The following HSPA12A variants were observed in gnomAD, a reference collection of about 807,000 sequenced individuals.
HSPA12A encodes the protein heat shock 70 kDa protein 12A.
In HSPA12A, 28 loss-of-function variants were observed where a neutral mutation model predicts 69.2. The ratio of observed to expected loss-of-function variants is 0.40; its 90% confidence interval spans 0.30 to 0.55. The LOEUF (loss-of-function observed/expected upper bound fraction) is 0.55. Among genes scored for constraint, HSPA12A ranks in the 20% least tolerant of loss-of-function variants. The pLI is 0.38. For missense variants in HSPA12A, 686 were observed against 900.7 expected (o/e 0.76, Z 3.05); for synonymous variants, 345 against 370.5 (o/e 0.93, Z 0.79).
chr10:116,825,494 G>C (rs986238919), intron 2 of HSPA12A, among the ~76,000 whole-genome samples: 2 of 152,142 alleles, frequency 1.3e-5, no homozygotes, highest in Admixed American at 6.5e-5. Flanking sequence ...CTGGGTGACA[G>C]AGTGAGACTC....
intron 1 of HSPA12A, among the ~76,000 whole-genome samples, chr10:116,724,070 A>T (rs1850870588): frequency 6.6e-6 from 1 of 152,176 alleles, no homozygotes. Context: ...CCTTGTACAG[A>T]GCCCTGCACC....
intron 1 of HSPA12A, among the ~76,000 whole-genome samples, chr10:116,735,548 C>T (rs1419485603): frequency 6.6e-6 from 1 of 152,186 alleles, no homozygotes; most frequent in Non-Finnish European, 1.5e-5. Context: ...GCCCAGCCGA[C>T]AGCCAGCACC....
chr10:116,807,812 C>T (rs994717382), intron 2 of HSPA12A, among the ~76,000 whole-genome samples: 1 of 152,202 alleles, frequency 6.6e-6, no homozygotes, highest in Admixed American at 6.5e-5. Flanking sequence ...TGGCAGATTC[C>T]TGGCCCTCTG....
intron 1 of HSPA12A, among the ~76,000 whole-genome samples, chr10:116,715,202 T>A (rs559734791): frequency 9.5e-4 from 144 of 152,332 alleles, no homozygotes; most frequent in African/African-American, 2.9e-3. Flanking sequence ...TCTCATCCAG[T>A]AGGTCTGAGG....
At chr10:116,691,372 ACT>A (rs1849733659) in intron 6 of HSPA12A, among the ~76,000 whole-genome samples, 1 of 152,208 alleles carries the variant, frequency 6.6e-6, no homozygotes, top group African/African-American at 2.4e-5. Context: ...CTCAGGGTTG[ACT>A]CTGTGGGTTT....
chr10:116,675,369 C>CT lies in HSPA12A; in HGVS notation c.1439_1440insA (p.Val481GlyfsTer73). ...GGGGCGCCTCGGCAAAGCCGCCCAC[C>CT]AGAAAGAGGAACTTGACGGTGGACA... On this transcript the variant is annotated frameshift_variant, in exon 12 of 12. Transcript: ENST00000369209. LOFTEE classifies it high-confidence loss of function. This position sits in a 1 kb window ranked among gnomAD's most constrained non-coding sequence, Gnocchi z 5.2. 6.2e-7 allele frequency: 1 copy of CT among 1,610,504 alleles called. No homozygotes were observed. The highest frequency in any genetic ancestry group is 8.5e-7 in the Non-Finnish European group (1 of 1,178,902).
chr10:116,839,353 C>T (rs1009611567), intron 1 of HSPA12A, among the ~76,000 whole-genome samples: 1 of 152,168 alleles, frequency 6.6e-6, no homozygotes, highest in Non-Finnish European at 1.5e-5. Flanking sequence ...CCCGGCTCTT[C>T]TTTGCTGTTT....
At chr10:116,782,330 A>G (rs1285845286) in intron 2 of HSPA12A, among the ~76,000 whole-genome samples, 7 of 152,222 alleles carry the variant, frequency 4.6e-5, no homozygotes, top group African/African-American at 1.7e-4. Context: ...GAAAAGCTGA[A>G]GATACGTGAG....
chr10:116,849,673 T>G, exon 1 of HSPA12A: 1 of 1,549,752 alleles, frequency 6.5e-7, no homozygotes, highest in Non-Finnish European at 8.7e-7. Flanking sequence ...CCGCGCAGGC[T>G]GGAAGAGCTG....
chr10:116,809,783 A>G (rs1845138666), intron 2 of HSPA12A, among the ~76,000 whole-genome samples: 1 of 152,174 alleles, frequency 6.6e-6, no homozygotes, highest in African/African-American at 2.4e-5. Context: ...CCTTTCCTAA[A>G]AAGAGGATTC....
At chr10:116,784,733 G>A (rs1347192022) in intron 2 of HSPA12A, among the ~76,000 whole-genome samples, 1 of 152,238 alleles carries the variant, frequency 6.6e-6, no homozygotes, top group Non-Finnish European at 1.5e-5. Context: ...CTGACTGGCT[G>A]AGGAATGAGT....
intron 1 of HSPA12A, among the ~76,000 whole-genome samples, chr10:116,735,066 C>T (rs1851275661): frequency 6.6e-6 from 1 of 152,190 alleles, no homozygotes; most frequent in Non-Finnish European, 1.5e-5. Context: ...GAGAATGTGC[C>T]AACACAACTT....
chr10:116,736,439 C>T (rs558300510), intron 1 of HSPA12A, among the ~76,000 whole-genome samples: 2 of 152,218 alleles, frequency 1.3e-5, no homozygotes, highest in Admixed American at 1.3e-4. Flanking sequence ...ATGAGAGGCT[C>T]GATAATAGCC....
Position 116,774,252 on chromosome 10 carries a change from G to T in HSPA12A, c.91+60683C>A, listed in dbSNP as rs111632419. The stretch of plus-strand genomic sequence containing the variant: ...TCTCGATCTCCTGACCTCGTGATCC[G>T]CCCGCCTCGGCCTCCCAAAGTGCTG... On this transcript the variant is annotated intron_variant, in intron 2 of 12. Transcript: ENST00000635765. 2.2e-3 allele frequency among the ~76,000 whole-genome samples: 340 copies of T among 152,062 alleles called. 2 individuals carry two copies. Among genetic ancestry groups the T allele is most frequent in the African/African-American group, 7.8e-3 (323 of 41,496 alleles).
At chr10:116,843,231 G>C (rs1422163682) in intron 1 of HSPA12A, among the ~76,000 whole-genome samples, 1 of 152,130 alleles carries the variant, frequency 6.6e-6, no homozygotes, top group East Asian at 1.9e-4. Flanking sequence ...AAATGCTAAA[G>C]GCTAAAATTA....
At chr10:116,724,638 C>T (rs1850891063) in intron 1 of HSPA12A, among the ~76,000 whole-genome samples, 1 of 152,182 alleles carries the variant, frequency 6.6e-6, no homozygotes, top group Non-Finnish European at 1.5e-5. Flanking sequence ...GATAATATTT[C>T]CTATAGTAAA....
Position 116,692,474 on chromosome 10 carries a change from C to T in HSPA12A, c.547-7G>A. 2 of 1,610,382 alleles carry T rather than the reference C, an allele frequency of 1.2e-6. No individual in the cohort carries two copies. The highest frequency in any genetic ancestry group is 1.7e-6 in the Non-Finnish European group (2 of 1,176,744). On this transcript the variant is annotated splice_region_variant and splice_polypyrimidine_tract_variant and intron_variant, in intron 5 of 11. Transcript: ENST00000369209. ...CCGCCTGGTCACTCAGCTCCTGAAG[C>T]CAAGGGAAAGAAATGCAACAGGTCA... is the stretch of plus-strand genomic sequence containing the variant.
intron 10 of HSPA12A, 28 bp downstream of exon 10, chr10:116,679,475 A>G (rs782248180): frequency 1.2e-6 from 2 of 1,608,116 alleles, no homozygotes; most frequent in Non-Finnish European, 1.7e-6. Context: ...TAGAATGTCC[A>G]GAGCCCGAGG....
At chr10:116,736,489 G>A (rs572868793) in intron 1 of HSPA12A, among the ~76,000 whole-genome samples, 1 of 152,260 alleles carries the variant, frequency 6.6e-6, no homozygotes, top group South Asian at 2.1e-4. Flanking sequence ...ATGGGAAAAG[G>A]GAGTCAGCAG....
Sources: gnomAD v4.1 joint callset for allele counts (sites outside exome capture counted in the v4.1 genomes callset) on GRCh38, gnomAD v4.1.1 for gene constraint, Gnocchi (gnomAD v3.1) non-coding constraint, MANE v1.5 for transcripts, NCBI Gene and HGNC (gene_info 2026-07-23, HGNC 2026-07-21) for gene names.